PCDHGA3: variants seen among roughly 807,000 people sequenced by gnomAD.
PCDHGA3 encodes protocadherin gamma-A3.
In PCDHGA3, 40 loss-of-function variants were observed where a neutral mutation model predicts 58.5. That is an observed-to-expected ratio of 0.68 (90% confidence interval 0.53 to 0.89). The LOEUF (loss-of-function observed/expected upper bound fraction) is 0.89. Among genes scored for constraint, PCDHGA3 ranks in the 40% least tolerant of loss-of-function variants. The pLI, the probability that PCDHGA3 is intolerant of heterozygous loss-of-function variation, is 0.00. For missense variants in PCDHGA3, 1,223 were observed against 1,195.9 expected, an observed-to-expected ratio of 1.02 and a Z score of -0.33; for synonymous variants, 530 against 525.7, an observed-to-expected ratio of 1.01 and a Z score of -0.11.
rs762908598 is a variant in PCDHGA3 at position 141,491,157 on chromosome 5, T to A, written c.2425-3650T>A. The A allele has an allele frequency of 3.7e-6, 6 of 1,614,108 alleles. No homozygotes were observed. The Admixed American group carries it at 8.3e-5, about 22-fold the overall frequency. On this transcript the variant is annotated intron_variant, in intron 1 of 3. Transcript: ENST00000253812. The surrounding 1 kb of genome is among the most constrained non-coding windows in gnomAD (Gnocchi z 6.9). ...CCCGGGCCTTACTGGAGGATGACTC[T>A]GACACCCAGCAGGTGGTGGTCCTGG...
intron 1 of PCDHGA3, among the ~76,000 whole-genome samples, chr5:141,480,106 A>C (rs1466691134): frequency 6.6e-6 from 1 of 152,196 alleles, no homozygotes; most frequent in Non-Finnish European, 1.5e-5. Context: ...AGTGTTTAGC[A>C]TGGTGCCTGG....
chr5:141,391,135 C>T (rs1481057033), intron 1 of PCDHGA3: 2 of 152,104 alleles, frequency 1.3e-5, no homozygotes, highest in Non-Finnish European at 2.9e-5. Flanking sequence ...AATCATTCTC[C>T]TACCTCTAGG....
chr5:141,397,988 C>A, intron 1 of PCDHGA3: 2 of 1,327,490 alleles, frequency 1.5e-6, no homozygotes, highest in Non-Finnish European at 1.0e-6. Flanking sequence ...CTTTACACCG[C>A]TTCCTCCTCG....
intron 1 of PCDHGA3, chr5:141,392,857 T>C: frequency 5.0e-6 from 8 of 1,612,536 alleles, no homozygotes; most frequent in Non-Finnish European, 6.8e-6. Flanking sequence ...GAGCTGATCC[T>C]GCTGTGCGCG....
intron 1 of PCDHGA3, chr5:141,370,409 CG>C (rs775733785): frequency 6.4e-7 from 1 of 1,561,734 alleles, no homozygotes; most frequent in Non-Finnish European, 8.6e-7. Context: ...GAAATAGCTC[CG>C]GATGGAGGGG....
chr5:141,453,559 C>T (rs2098769120), intron 1 of PCDHGA3, among the ~76,000 whole-genome samples: 1 of 152,126 alleles, frequency 6.6e-6, no homozygotes, highest in Non-Finnish European at 1.5e-5. Context: ...TGTAGATAAT[C>T]GATTTCATTA....
At chr5:141,438,635 TACAC>T (rs56854727) in intron 1 of PCDHGA3, among the ~76,000 whole-genome samples, 720 of 33,094 alleles carry the variant, frequency 0.022, 7 homozygotes, top group Middle Eastern at 0.05. Context: ...TATATATATA[TACAC>T]ACACACACAC....
At chr5:141,404,776 A>C in intron 1 of PCDHGA3, 1 of 1,613,070 alleles carries the variant, frequency 6.2e-7, no homozygotes, top group Non-Finnish European at 8.5e-7. Context: ...CCTACCGCCT[A>C]TTCAAGGCCA....
Position 141,485,549 on chromosome 5 carries a change from G to A in PCDHGA3, c.2425-9258G>A. 6.2e-7 allele frequency: 1 copy of A among 1,614,030 alleles called. No homozygotes were observed. The highest frequency in any genetic ancestry group is 1.1e-5 in the South Asian group (1 of 91,068). On this transcript the variant is annotated intron_variant, in intron 1 of 3. Transcript: ENST00000253812. The surrounding 1 kb of genome is among the most constrained non-coding windows in gnomAD (Gnocchi z 5.7). ...CCGAGCAGAGGTAGAGATCGTAGATGTGAATGATCACGCCCCCCGTTTTCC... is the reference window on the plus strand; with the variant it reads ...CCGAGCAGAGGTAGAGATCGTAGATATGAATGATCACGCCCCCCGTTTTCC...
At chr5:141,371,133 T>C (rs772495360) in intron 1 of PCDHGA3, 1 of 1,614,000 alleles carries the variant, frequency 6.2e-7, no homozygotes, top group Non-Finnish European at 8.5e-7. Flanking sequence ...TCAGGACATG[T>C]ACAGGGTCAA....
intron 3 of PCDHGA3, among the ~76,000 whole-genome samples, chr5:141,509,429 T>G (rs2099876771): frequency 6.6e-6 from 1 of 151,964 alleles, no homozygotes; most frequent in Non-Finnish European, 1.5e-5. Context: ...TGAGTCAAAC[T>G]CTTGTTTCCT....
intron 1 of PCDHGA3, among the ~76,000 whole-genome samples, chr5:141,455,998 T>C (rs1301217416): frequency 2.6e-5 from 4 of 151,692 alleles, no homozygotes; most frequent in Non-Finnish European, 4.4e-5. Flanking sequence ...CTCGGGTTCA[T>C]GCCATTCTCC....
At position 141,343,850 on chromosome 5, in the gene PCDHGA3, T is replaced by C. The variant is rs987195150; in HGVS notation, c.-184T>C. ...GTCCACCATTTCCTTGCTCCTAAAATGCAAAGAACCAGCAAATCAGACTCA... is the reference window on the plus strand; with the variant it reads ...GTCCACCATTTCCTTGCTCCTAAAACGCAAAGAACCAGCAAATCAGACTCA... On this transcript the variant is annotated 5_prime_UTR_variant, in exon 1 of 4. The change abolishes an upstream ATG in the 5' untranslated region. Transcript: ENST00000253812. 2.8e-5 allele frequency: 15 copies of C among 529,078 alleles called. No homozygotes were observed. The highest frequency in any genetic ancestry group is 4.9e-5 in the Non-Finnish European group (15 of 305,814). The allele number at this position is 529,078 out of a possible 1,614,324, so 32.8% of individuals were successfully genotyped here. A position where few individuals can be genotyped will look rare whatever the true frequency, so the allele number is the denominator to read the frequency against.
intron 1 of PCDHGA3, chr5:141,403,774 C>T (rs1350465491): frequency 1.9e-6 from 3 of 1,613,668 alleles, no homozygotes; most frequent in Non-Finnish European, 1.7e-6. Flanking sequence ...AGGGAATCAA[C>T]GGAAAAGTGG....
At chr5:141,396,781 G>T (rs1270995904) in intron 1 of PCDHGA3, 1 of 152,204 alleles carries the variant, frequency 6.6e-6, no homozygotes, top group East Asian at 1.9e-4. Context: ...TTAATGAAAA[G>T]GACATTTCCT....
intron 1 of PCDHGA3, among the ~76,000 whole-genome samples, chr5:141,400,911 CAAAG>C (rs1162228499): frequency 6.6e-6 from 1 of 152,176 alleles, no homozygotes; most frequent in Non-Finnish European, 1.5e-5. Flanking sequence ...TCTTTTAAAG[CAAAG>C]AAACTGCTAG....
At chr5:141,355,405 A>G (rs759129732) in intron 1 of PCDHGA3, 1 of 1,613,982 alleles carries the variant, frequency 6.2e-7, no homozygotes, top group African/African-American at 1.3e-5. Flanking sequence ...CATCGTCTCC[A>G]GAGGTAGGAC....
Position 141,417,741 on chromosome 5 carries a change from A to G in PCDHGA3, c.2424+71284A>G, listed in dbSNP as rs1035037382. ...CTGCGCAGACCTTGCCCAGCACACCAGATTGCCAGCTCCGAGACCCGGGAC... is the reference window on the plus strand; with the variant it reads ...CTGCGCAGACCTTGCCCAGCACACCGGATTGCCAGCTCCGAGACCCGGGAC... On this transcript the variant is annotated intron_variant, in intron 1 of 3. Coordinates refer to ENST00000253812, the MANE Select transcript of PCDHGA3 (RefSeq NM_018916.4). The G allele has an allele frequency of 1.7e-5, 24 of 1,413,756 alleles. No individual in the cohort carries two copies. The African/African-American group carries it at 1.7e-4, about 10-fold the overall frequency. The allele number at this position is 1,413,756 out of a possible 1,614,324, so 87.6% of individuals were successfully genotyped here.
rs777668071 is a variant in PCDHGA3 at position 141,491,848 on chromosome 5, C to G, written c.2425-2959C>G. The G allele has an allele frequency of 3.4e-6, 5 of 1,461,482 alleles. No homozygotes were observed. The highest frequency in any genetic ancestry group is 4.5e-6 in the Non-Finnish European group (5 of 1,104,578). 90.5% of individuals were successfully genotyped at this position (1,461,482 alleles called of 1,614,324 possible). A position where few individuals can be genotyped will look rare whatever the true frequency, so the allele number is the denominator to read the frequency against. ...CACCCGATTCTCGGGATCATTGGAC[C>G]GTTTGCGCGAAACCAGAGTGGCCGA... On this transcript the variant is annotated intron_variant, in intron 1 of 3. Transcript: ENST00000253812. The surrounding 1 kb of genome is among the most constrained non-coding windows in gnomAD (Gnocchi z 6.9).
Sources: allele counts gnomAD v4.1 joint callset (sites outside exome capture counted in the v4.1 genomes callset), GRCh38; gene constraint gnomAD v4.1.1; non-coding constraint Gnocchi (gnomAD v3.1); transcripts MANE v1.5; gene names NCBI Gene and HGNC (gene_info 2026-07-23, HGNC 2026-07-21).